ARHGEF18: variants seen among roughly 807,000 people sequenced by gnomAD.
The protein encoded by ARHGEF18 is rho guanine nucleotide exchange factor 18.
In ARHGEF18, 93 loss-of-function variants were observed where a neutral mutation model predicts 155.7. That is an observed-to-expected ratio of 0.60 (90% confidence interval 0.50 to 0.71). The LOEUF (loss-of-function observed/expected upper bound fraction) is 0.71, where lower values mean the gene tolerates loss of function less well. ARHGEF18 is among the 30% of genes least tolerant of loss of function. The probability of loss-of-function intolerance (pLI) is 0.00; values close to 1 mark genes in which losing one functional copy is unlikely to be tolerated. For missense variants in ARHGEF18, 1,593 were observed against 1,816.1 expected (o/e 0.88, Z 2.23); for synonymous variants, 742 against 753.1 (o/e 0.99, Z 0.24).
chr19:7,464,972 C>T lies in ARHGEF18; in HGVS notation c.2904+282C>T, dbSNP rs538577111. On this transcript the variant is annotated intron_variant, in intron 23 of 28. Transcript: ENST00000668164. ...TCATCAACAGGCGAGGAACCCCCTACAGGGACCACCAGCTTTCAGCCGGGG... is the reference window on the plus strand; with the variant it reads ...TCATCAACAGGCGAGGAACCCCCTATAGGGACCACCAGCTTTCAGCCGGGG... Among the ~76,000 whole-genome samples, 7 of 152,342 alleles carry T rather than the reference C, an allele frequency of 4.6e-5. No individual in the cohort carries two copies. The East Asian group carries it at 9.6e-4, about 21-fold the overall frequency.
At chr19:7,371,689 T>C (rs8108566) in intron 2 of ARHGEF18, among the ~76,000 whole-genome samples, 29,879 of 151,696 alleles carry the variant, frequency 0.2, 6,718 homozygotes, top group African/African-American at 0.54. Flanking sequence ...GACATAATGG[T>C]GGGTGCCTGT....
At chr19:7,451,530 C>T (rs1012650185) in intron 16 of ARHGEF18, among the ~76,000 whole-genome samples, 9 of 151,716 alleles carry the variant, frequency 5.9e-5, no homozygotes, top group African/African-American at 2.2e-4. Context: ...TCTACCTCAG[C>T]CTCCCAAGCA....
chr19:7,470,027 C>T lies in ARHGEF18; in HGVS notation c.3911C>T (p.Pro1304Leu), dbSNP rs1976924956. Residue 1304 changes from proline (P) to leucine (L), a missense_variant and splice_region_variant, in exon 28 of 29, where the codon CCA (proline) becomes CTA (leucine). By Grantham distance (98) the Pro-to-Leu change is moderately conservative. Transcript: ENST00000668164. The surrounding 1 kb of genome is among the most constrained non-coding windows in gnomAD (Gnocchi z 5.9). ...GGCAGACACAGTCCTGCGCCCCCACCAGGTGAGCCCCCACCCCCTGACATG... is the reference window on the plus strand; with the variant it reads ...GGCAGACACAGTCCTGCGCCCCCACTAGGTGAGCCCCCACCCCCTGACATG... Reference protein sequence around the residue: ...LPGRHSPAPPPDPGFPAPSPP... With the variant: ...LPGRHSPAPPLDPGFPAPSPP... 6.2e-7 allele frequency: 1 copy of T among 1,612,642 alleles called. No individual in the cohort carries two copies. The highest frequency in any genetic ancestry group is 2.2e-5 in the East Asian group (1 of 44,874).
chr19:7,351,183 G>A (rs543020574), intron 1 of ARHGEF18, among the ~76,000 whole-genome samples: 1 of 152,298 alleles, frequency 6.6e-6, no homozygotes, highest in South Asian at 2.1e-4. Context: ...CCTCACCTAT[G>A]CCTTCATACT....
rs568258414 is a variant in ARHGEF18 at position 7,388,872 on chromosome 19, C to T, written c.967+5669C>T. 3.1e-4 allele frequency among the ~76,000 whole-genome samples: 47 copies of T among 152,196 alleles called. 1 individual carries two copies. The highest frequency in any genetic ancestry group is 1.1e-3 in the African/African-American group (46 of 41,556). ...CTAGGATTACAGGCATGAGCCACCG[C>T]GCCTGGCCTGCCCTTTGATTTTTAA... is the stretch of plus-strand genomic sequence containing the variant. On this transcript the variant is annotated intron_variant, in intron 10 of 28. Coordinates refer to ENST00000668164, the MANE Select transcript of ARHGEF18 (RefSeq NM_001367823.1).
At chr19:7,461,115 T>C (rs1291486390) in intron 20 of ARHGEF18, among the ~76,000 whole-genome samples, 1 of 151,442 alleles carries the variant, frequency 6.6e-6, no homozygotes, top group Non-Finnish European at 1.5e-5. Context: ...AATTGGATAA[T>C]ACTCAAACAA....
intron 10 of ARHGEF18, among the ~76,000 whole-genome samples, chr19:7,402,504 T>A (rs1228723703): frequency 6.6e-6 from 1 of 152,170 alleles, no homozygotes; most frequent in Non-Finnish European, 1.5e-5. Context: ...TTGAATTGGA[T>A]GCTGTCAAAG....
At chr19:7,450,680 T>C (rs878920309) in intron 15 of ARHGEF18, among the ~76,000 whole-genome samples, 10 of 129,174 alleles carry the variant, frequency 7.7e-5, no homozygotes, top group East Asian at 2.2e-4. Flanking sequence ...GAGATGTTAA[T>C]GCGGGATCTT....
In ARHGEF18 at chr19:7,385,251, C is replaced by T. The variant is rs1040506431; in HGVS notation, c.967+2048C>T. 5.9e-5 allele frequency among the ~76,000 whole-genome samples: 9 copies of T among 152,288 alleles called. 1 individual carries two copies. In the South Asian group the frequency reaches 1.9e-3, roughly 32 times the overall value. ...TCGGATACCCTTCCTTGAACAGCTC[C>T]AGGCTGAGCTGAACCATGCACTTCC... On this transcript the variant is annotated intron_variant, in intron 10 of 28. Transcript: ENST00000668164.
intron 27 of ARHGEF18, among the ~76,000 whole-genome samples, 197 bp from the exon 28 acceptor site, chr19:7,469,707 G>C (rs891822531): frequency 1.3e-5 from 2 of 152,218 alleles, no homozygotes; most frequent in South Asian, 4.1e-4. Flanking sequence ...GACTCTGCAG[G>C]TCCTTCCGCA....
chr19:7,353,515 G>A (rs1229332809), intron 1 of ARHGEF18, among the ~76,000 whole-genome samples: 5 of 149,424 alleles, frequency 3.3e-5, no homozygotes, highest in South Asian at 4.3e-4. Flanking sequence ...ACTTGAACCC[G>A]GGAGGCAGAG....
chr19:7,364,040 T>C (rs1210975166), intron 2 of ARHGEF18, among the ~76,000 whole-genome samples: 1 of 38,632 alleles, frequency 2.6e-5, no homozygotes, highest in Admixed American at 4.2e-4. Flanking sequence ...GGAGGATGGA[T>C]AAATGAATGA....
intron 10 of ARHGEF18, among the ~76,000 whole-genome samples, chr19:7,419,245 CCA>C (rs1973201726): frequency 7.9e-6 from 1 of 126,290 alleles, no homozygotes; most frequent in Non-Finnish European, 1.5e-5. Context: ...CCCGATGTAC[CCA>C]CACTCGGCCT....
chr19:7,375,843 C>T lies in ARHGEF18; in HGVS notation c.399C>T (p.Gly133=), dbSNP rs1327975213. 13 of 1,234,330 alleles carry T rather than the reference C, an allele frequency of 1.1e-5. No individual in the cohort carries two copies. The South Asian group carries it at 2.5e-4, about 23-fold the overall frequency. 76.5% of individuals were successfully genotyped at this position (1,234,330 alleles called of 1,614,324 possible). A position where few individuals can be genotyped will look rare whatever the true frequency, so the allele number is the denominator to read the frequency against. ...GGACTCAAGGGTGTCTCTCTGGGGG[C>T]GGGACCCCCGCAGAGAGCCCAGGCA... ...KTWTQGCLSG[G]GTPAESPGKE... is the part of the protein sequence containing the mutation. The change falls in exon 4 of 29, where the codon GGC becomes GGT. Residue 133 remains glycine (G), a synonymous_variant. Coordinates refer to ENST00000668164, the MANE Select transcript of ARHGEF18 (RefSeq NM_001367823.1).
chr19:7,419,007 CCCGCACTCGGCCT>C (rs1360933976), intron 10 of ARHGEF18, among the ~76,000 whole-genome samples: 2 of 151,848 alleles, frequency 1.3e-5, no homozygotes, highest in African/African-American at 4.8e-5. Context: ...CCCAGGTGCA[CCCGCACTCGGCCT>C]CTGTACCCCA....
intron 23 of ARHGEF18, among the ~76,000 whole-genome samples, chr19:7,465,733 G>A (rs113989724): frequency 0.012 from 1,861 of 152,258 alleles, 40 homozygotes; most frequent in Non-Finnish European, 0.015. Flanking sequence ...GAGGCCATGA[G>A]TTTGAGACCA....
In ARHGEF18 at chr19:7,440,021, T is replaced by G. The variant is rs1974523190; in HGVS notation, c.968-323T>G. ...CAGCAAGGGAAGACGCAGCTCTGTTTTCTAGAAGGATCCCACCGAGGCATA... is the reference window on the plus strand; with the variant it reads ...CAGCAAGGGAAGACGCAGCTCTGTTGTCTAGAAGGATCCCACCGAGGCATA... On this transcript the variant is annotated intron_variant, in intron 10 of 28. Coordinates refer to ENST00000668164, the MANE Select transcript of ARHGEF18 (RefSeq NM_001367823.1). The surrounding 1 kb of genome is among the most constrained non-coding windows in gnomAD (Gnocchi z 5.4). 6.4e-7 allele frequency: 1 copy of G among 1,550,402 alleles called. No homozygotes were observed. Among genetic ancestry groups the G allele is most frequent in the African/African-American group, 1.4e-5 (1 of 72,942 alleles).
chr19:7,402,559 C>A (rs1353709241), intron 10 of ARHGEF18, among the ~76,000 whole-genome samples: 1 of 151,978 alleles, frequency 6.6e-6, no homozygotes, highest in Non-Finnish European at 1.5e-5. Context: ...AAAGCAGTTA[C>A]AAAGAGAGGA....
At chr19:7,434,929 C>T (rs1259526631) in intron 10 of ARHGEF18, among the ~76,000 whole-genome samples, 1 of 152,226 alleles carries the variant, frequency 6.6e-6, no homozygotes, top group Non-Finnish European at 1.5e-5. Flanking sequence ...AGGCCAGGCG[C>T]AGTGGCTCAC....
Sources: allele counts gnomAD v4.1 joint callset (sites outside exome capture counted in the v4.1 genomes callset), GRCh38; gene constraint gnomAD v4.1.1; non-coding constraint Gnocchi (gnomAD v3.1); transcripts MANE v1.5; gene names NCBI Gene and HGNC (gene_info 2026-07-23, HGNC 2026-07-21).